AP1S3: variants seen among roughly 807,000 people sequenced by gnomAD.
AP1S3 encodes adaptor related protein complex 1 subunit sigma 3.
Under a neutral mutation model 20.9 loss-of-function variants are expected in AP1S3, and 10 were observed. The observed-to-expected ratio is 0.48, with a 90% CI of 0.29 to 0.81. The LOEUF is 0.81. Ranked by LOEUF, AP1S3 falls within the 30% of genes least tolerant of loss-of-function variation. AP1S3 has a pLI of 0.08. For missense variants in AP1S3, 154 were observed against 183.8 expected (o/e 0.84, Z 0.94); for synonymous variants, 41 against 61.5 (o/e 0.67, Z 1.56).
At chr2:223,761,060 C>G (rs913451030) in intron 4 of AP1S3, among the ~76,000 whole-genome samples, 4 of 152,152 alleles carry the variant, frequency 2.6e-5, no homozygotes, top group African/African-American at 9.7e-5. Context: ...CCTGTCTGAG[C>G]CGAGCCAGGC....
In AP1S3 at chr2:223,756,911, A is replaced by G; in HGVS notation, c.*1804T>C. ...CTAATATGAATGATACCAGACCTCA[A>G]AGCTAACATTGAAAATGCACAGGTA... On this transcript the variant is annotated 3_prime_UTR_variant, in exon 5 of 5. Transcript: ENST00000396654. 1 of 985,502 alleles carries G rather than the reference A, an allele frequency of 1.0e-6. No individual in the cohort carries two copies. The allele number at this position is 985,502 out of a possible 1,614,324, so 61.0% of individuals were successfully genotyped here.
At chr2:223,804,100 G>T (rs1391228791) in intron 1 of AP1S3, among the ~76,000 whole-genome samples, 1 of 152,108 alleles carries the variant, frequency 6.6e-6, no homozygotes, top group Non-Finnish European at 1.5e-5. Context: ...AGAAAAAAAT[G>T]AGTGTGAATG....
intron 1 of AP1S3, among the ~76,000 whole-genome samples, chr2:223,782,742 T>C (rs1690978239): frequency 6.6e-6 from 1 of 152,222 alleles, no homozygotes; most frequent in African/African-American, 2.4e-5. Flanking sequence ...AACAAATAGA[T>C]TCAAGCTTAT....
intron 1 of AP1S3, among the ~76,000 whole-genome samples, chr2:223,813,486 A>C (rs1691779632): frequency 6.6e-6 from 1 of 152,208 alleles, no homozygotes; most frequent in South Asian, 2.1e-4. Context: ...TCCATCTTTT[A>C]AAATGTGGTA....
intron 1 of AP1S3, among the ~76,000 whole-genome samples, chr2:223,783,733 G>A (rs1691009618): frequency 6.6e-6 from 1 of 152,178 alleles, no homozygotes; most frequent in Admixed American, 6.5e-5. Flanking sequence ...TCCAAGAAGA[G>A]AGACATCCAG....
chr2:223,773,947 G>A (rs1286679450), intron 3 of AP1S3, among the ~76,000 whole-genome samples: 1 of 152,324 alleles, frequency 6.6e-6, no homozygotes, highest in South Asian at 2.1e-4. Flanking sequence ...GCGGTGGGGG[G>A]ATAAAATGAG....
intron 1 of AP1S3, among the ~76,000 whole-genome samples, chr2:223,795,317 A>G (rs1393611058): frequency 6.6e-6 from 1 of 152,216 alleles, no homozygotes; most frequent in Non-Finnish European, 1.5e-5. Context: ...ATGTATCCTT[A>G]GTATAGATTT....
intron 1 of AP1S3, among the ~76,000 whole-genome samples, chr2:223,811,020 C>T (rs1380208469): frequency 6.6e-6 from 1 of 151,522 alleles, no homozygotes; most frequent in Admixed American, 6.6e-5. Flanking sequence ...ATTTCAATAG[C>T]TTTTGAATTA....
chr2:223,817,883 T>C (rs1232841918), intron 1 of AP1S3, among the ~76,000 whole-genome samples: 1 of 151,950 alleles, frequency 6.6e-6, no homozygotes, highest in Non-Finnish European at 1.5e-5. Context: ...GATGACCAAA[T>C]AATAAGAACA....
chr2:223,761,263 T>C (rs1365361649), intron 4 of AP1S3, among the ~76,000 whole-genome samples: 1 of 152,186 alleles, frequency 6.6e-6, no homozygotes, highest in Non-Finnish European at 1.5e-5. Context: ...CTTATGCATA[T>C]AGCACAGTGT....
At chr2:223,780,420 A>G (rs1442078852) in intron 1 of AP1S3, among the ~76,000 whole-genome samples, 2 of 128,324 alleles carry the variant, frequency 1.6e-5, no homozygotes, top group African/African-American at 3.1e-5. Context: ...AGGTCTCCCT[A>G]TGCTGCCCAG....
intron 1 of AP1S3, among the ~76,000 whole-genome samples, chr2:223,815,189 A>G (rs1293015597): frequency 6.6e-6 from 1 of 152,244 alleles, no homozygotes; most frequent in Non-Finnish European, 1.5e-5. Flanking sequence ...AATAAATGTC[A>G]ATGTGCCATA....
intron 1 of AP1S3, among the ~76,000 whole-genome samples, chr2:223,801,991 A>G (rs576971356): frequency 6.6e-6 from 1 of 152,328 alleles, no homozygotes; most frequent in East Asian, 1.9e-4. Context: ...AACTGTCAAC[A>G]TTTTGCAAAA....
intron 1 of AP1S3, among the ~76,000 whole-genome samples, chr2:223,790,401 T>C (rs907056045): frequency 6.6e-6 from 1 of 151,974 alleles, no homozygotes; most frequent in Admixed American, 6.6e-5. Flanking sequence ...CTGGCTAATT[T>C]TTTTTGTATT....
intron 1 of AP1S3, among the ~76,000 whole-genome samples, chr2:223,799,788 T>G (rs531200955): frequency 1.3e-5 from 2 of 152,166 alleles, no homozygotes; most frequent in African/African-American, 4.8e-5. Flanking sequence ...AATCTTCTCA[T>G]GAACCTAGGT....
At chr2:223,809,516 G>A (rs1181516586) in intron 1 of AP1S3, among the ~76,000 whole-genome samples, 3 of 151,626 alleles carry the variant, frequency 2.0e-5, no homozygotes, top group African/African-American at 7.3e-5. Flanking sequence ...ATGGTGGCAG[G>A]TGCCTGTAAT....
intron 1 of AP1S3, among the ~76,000 whole-genome samples, chr2:223,814,870 G>A (rs567133386): frequency 2.3e-4 from 35 of 152,112 alleles, no homozygotes; most frequent in Non-Finnish European, 4.3e-4. Context: ...TCAACCTCCT[G>A]GGCTCAGGAG....
rs199619681 is a variant in AP1S3, at chr2:223,816,860, G to A, written c.3+20588C>T. On this transcript the variant is annotated intron_variant, in intron 1 of 4. Transcript: ENST00000396654. ...AAAATAGCCCAGTCTAGGTGCAGTG[G>A]CTCATTCCTGTAATCCCAGCACTTT... Among the ~76,000 whole-genome samples, 10 of 152,332 alleles carry A rather than the reference G, an allele frequency of 6.6e-5. No individual in the cohort carries two copies. In the East Asian group the frequency reaches 1.7e-3, roughly 26 times the overall value.
At chr2:223,796,164 C>A (rs1691332294) in intron 1 of AP1S3, among the ~76,000 whole-genome samples, 1 of 152,062 alleles carries the variant, frequency 6.6e-6, no homozygotes, top group Admixed American at 6.6e-5. Context: ...CACAGAGAGA[C>A]TCCATCTCAA....
Sources: gnomAD v4.1 joint callset for allele counts (sites outside exome capture counted in the v4.1 genomes callset) on GRCh38, gnomAD v4.1.1 for gene constraint, MANE v1.5 for transcripts, NCBI Gene and HGNC (gene_info 2026-07-23, HGNC 2026-07-21) for gene names.